MDGA2: variants seen among roughly 807,000 people sequenced by gnomAD.
The protein encoded by MDGA2 is MAM domain containing glycosylphosphatidylinositol anchor 2.
Under a neutral mutation model 117.8 loss-of-function variants are expected in MDGA2, and 40 were observed. The ratio of observed to expected loss-of-function variants is 0.34; its 90% CI spans 0.26 to 0.44. MDGA2 has a LOEUF of 0.44. Ranked by LOEUF, MDGA2 falls within the 20% of genes least tolerant of loss-of-function variation. The pLI, the probability that MDGA2 is intolerant of heterozygous loss-of-function variation, is 1.00. For missense variants in MDGA2, 1,123 were observed against 1,250.6 expected (o/e 0.90, Z 1.54); for synonymous variants, 452 against 439.0 (o/e 1.03, Z -0.37).
chr14:47,668,134 T>G (rs1451818926), intron 1 of MDGA2, among the ~76,000 whole-genome samples: 1 of 152,174 alleles, frequency 6.6e-6, no homozygotes, highest in Non-Finnish European at 1.5e-5. Flanking sequence ...CTTACTCAAT[T>G]CAATCAATGA....
chr14:46,977,638 A>T (rs982271514), intron 8 of MDGA2, among the ~76,000 whole-genome samples: 4 of 151,944 alleles, frequency 2.6e-5, no homozygotes, highest in Non-Finnish European at 4.4e-5. Context: ...AGTTCTAATT[A>T]AGTCAGAATT....
intron 3 of MDGA2, among the ~76,000 whole-genome samples, chr14:47,159,005 G>C (rs1208796772): frequency 1.3e-5 from 2 of 152,180 alleles, no homozygotes; most frequent in Non-Finnish European, 2.9e-5. Flanking sequence ...AATGGAGACA[G>C]TAAAAAGGCC....
chr14:46,935,448 C>T (rs2138563415), intron 9 of MDGA2, among the ~76,000 whole-genome samples: 1 of 152,194 alleles, frequency 6.6e-6, no homozygotes, highest in South Asian at 2.1e-4. Context: ...ATAAAAGAAG[C>T]ATAAATGTTA....
intron 8 of MDGA2, among the ~76,000 whole-genome samples, chr14:47,007,946 G>A (rs552994015): frequency 1.1e-4 from 16 of 151,786 alleles, no homozygotes; most frequent in Non-Finnish European, 2.4e-4. Context: ...AGCACAGAGT[G>A]TATCGTAATG....
At chr14:47,565,938 G>A (rs1350081238) in intron 1 of MDGA2, among the ~76,000 whole-genome samples, 4 of 152,212 alleles carry the variant, frequency 2.6e-5, no homozygotes, top group Non-Finnish European at 5.9e-5. Flanking sequence ...GTTTGGAGTG[G>A]GGGTGGTGTT....
intron 8 of MDGA2, among the ~76,000 whole-genome samples, chr14:46,981,486 C>T (rs1886670614): frequency 6.6e-6 from 1 of 152,102 alleles, no homozygotes; most frequent in African/African-American, 2.4e-5. Flanking sequence ...GCATTTCAGG[C>T]ATTTTGAGAA....
intron 1 of MDGA2, among the ~76,000 whole-genome samples, chr14:47,624,372 C>T (rs1268856075): frequency 6.6e-6 from 1 of 152,100 alleles, no homozygotes; most frequent in Non-Finnish European, 1.5e-5. Context: ...GCAGGACAAT[C>T]GTTTGAACCT....
chr14:46,989,965 T>C (rs1436100314), intron 8 of MDGA2, among the ~76,000 whole-genome samples: 3 of 152,160 alleles, frequency 2.0e-5, no homozygotes, highest in Non-Finnish European at 4.4e-5. Context: ...CCAATTTTTA[T>C]GTATACAACA....
intron 6 of MDGA2, among the ~76,000 whole-genome samples, chr14:47,090,175 C>A (rs763221087): frequency 3.9e-5 from 6 of 152,100 alleles, no homozygotes; most frequent in Non-Finnish European, 7.4e-5. Flanking sequence ...ACAGTCCTTT[C>A]ATGTTGATAA....
intron 2 of MDGA2, among the ~76,000 whole-genome samples, chr14:47,220,859 T>A (rs1381956578): frequency 2.0e-5 from 3 of 152,246 alleles, no homozygotes; most frequent in South Asian, 4.2e-4. Context: ...ATATCCCATA[T>A]CCATTCAAGA....
At chr14:47,243,247 G>T (rs566080571) in intron 2 of MDGA2, among the ~76,000 whole-genome samples, 1 of 151,576 alleles carries the variant, frequency 6.6e-6, no homozygotes, top group Non-Finnish European at 1.5e-5. Flanking sequence ...ATCTGGTGGG[G>T]ATGTGGAGAA....
intron 6 of MDGA2, among the ~76,000 whole-genome samples, chr14:47,095,368 A>G (rs969655269): frequency 8.6e-5 from 13 of 151,986 alleles, no homozygotes; most frequent in South Asian, 2.1e-4. Flanking sequence ...TCGTATAGAA[A>G]ACCATGATCA....
At chr14:47,641,267 G>A (rs1204729741) in intron 1 of MDGA2, among the ~76,000 whole-genome samples, 1 of 152,040 alleles carries the variant, frequency 6.6e-6, no homozygotes, top group East Asian at 1.9e-4. Flanking sequence ...CTGGTCTAAA[G>A]GACAAAACAG....
At chr14:47,317,993 T>TCGGAAATGTTTCATATACCAC (rs1889860685) in intron 1 of MDGA2, among the ~76,000 whole-genome samples, 1 of 152,112 alleles carries the variant, frequency 6.6e-6, no homozygotes, top group East Asian at 1.9e-4. Flanking sequence ...GGCAATACCA[T>TCGGAAATGTTTCATATACCAC]CGGAAATGTT....
At chr14:47,022,263 T>G (rs761795645) in intron 8 of MDGA2, among the ~76,000 whole-genome samples, 1 of 151,976 alleles carries the variant, frequency 6.6e-6, no homozygotes, top group Non-Finnish European at 1.5e-5. Context: ...TTTTTGTAGT[T>G]TTTTGCAGAG....
chr14:47,373,175 G>C (rs905001735), intron 1 of MDGA2, among the ~76,000 whole-genome samples: 1 of 151,962 alleles, frequency 6.6e-6, no homozygotes, highest in Non-Finnish European at 1.5e-5. Flanking sequence ...AAAAGAAGAA[G>C]GGGTGGGAGA....
chr14:47,077,504 T>G (rs1329620680), intron 6 of MDGA2, among the ~76,000 whole-genome samples: 1 of 152,138 alleles, frequency 6.6e-6, no homozygotes, highest in Non-Finnish European at 1.5e-5. Flanking sequence ...TCGCTGTATA[T>G]GTGTGATGTT....
intron 1 of MDGA2, among the ~76,000 whole-genome samples, chr14:47,575,367 T>A (rs1006927675): frequency 6.6e-6 from 1 of 152,178 alleles, no homozygotes; most frequent in African/African-American, 2.4e-5. Context: ...TCCCATTATC[T>A]AAATATTTGA....
chr14:46,887,133 A>T (rs1882706825), intron 10 of MDGA2, among the ~76,000 whole-genome samples: 1 of 152,036 alleles, frequency 6.6e-6, no homozygotes. Context: ...CTCTACATTG[A>T]TAACTTCCTA....
Sources: gnomAD v4.1 joint callset for allele counts (sites outside exome capture counted in the v4.1 genomes callset) on GRCh38, gnomAD v4.1.1 for gene constraint, MANE v1.5 for transcripts, NCBI Gene and HGNC (gene_info 2026-07-23, HGNC 2026-07-21) for gene names.